Variants in TTC12 observed in about 807,000 individuals in gnomAD.
The protein encoded by TTC12 is tetratricopeptide repeat domain 12, also known as tetratricopeptide repeat protein 12.
A neutral mutation model predicts 90.1 loss-of-function variants in TTC12; 70 were observed. That is an observed-to-expected ratio of 0.78 (90% CI 0.64 to 0.95). The LOEUF (loss-of-function observed/expected upper bound fraction) is 0.95, where lower values mean the gene tolerates loss of function less well. TTC12 is among the 40% of genes least tolerant of loss of function. TTC12 has a pLI of 0.00. For missense variants in TTC12, 819 were observed against 846.1 expected, an observed-to-expected ratio of 0.97 and a Z score of 0.40; for synonymous variants, 296 against 311.5, an observed-to-expected ratio of 0.95 and a Z score of 0.53.
chr11:113,372,169 C>A (rs1313073109), intron 21 of TTC12, among the ~76,000 whole-genome samples: 2 of 152,144 alleles, frequency 1.3e-5, no homozygotes, highest in East Asian at 1.9e-4. Flanking sequence ...AGGGCAGGCA[C>A]AGGAAGAGCA....
At chr11:113,321,012 A>T (rs1220101055) in intron 2 of TTC12, among the ~76,000 whole-genome samples, 1 of 149,378 alleles carries the variant, frequency 6.7e-6, no homozygotes, top group African/African-American at 2.5e-5. Flanking sequence ...ACCATCTCTT[A>T]AAAAAAAAAG....
rs1947641882 is a variant in TTC12 at position 113,325,648 on chromosome 11, C to T, written c.444+3C>T. On this transcript the variant is annotated splice_donor_region_variant and intron_variant, in intron 6 of 21. Transcript: ENST00000529221. ...TGCTGTACACCAACCGAGCCCAGGT[C>T]AGTGAGGCAGGGATGTATCCATGGG... 1 of 1,613,556 alleles carries T rather than the reference C, an allele frequency of 6.2e-7. No homozygotes were observed.
At chr11:113,361,948 T>G (rs1949954721) in intron 18 of TTC12, among the ~76,000 whole-genome samples, 1 of 133,324 alleles carries the variant, frequency 7.5e-6, no homozygotes, top group Non-Finnish European at 1.7e-5. Flanking sequence ...CAGCTTGGCA[T>G]TTATTTAAAA....
Position 113,323,461 on chromosome 11 carries a change from T to G in TTC12, c.222+10T>G. ...ACAAACTGCTATGAAGGTTTCTTTT[T>G]CTATTGAGAAGTTATATAAGTACTT... is the stretch of plus-strand genomic sequence containing the variant. On this transcript the variant is annotated intron_variant, in intron 3 of 21. Coordinates refer to ENST00000529221, the MANE Select transcript of TTC12 (RefSeq NM_017868.4). The G allele has an allele frequency of 6.4e-7, 1 of 1,555,726 alleles. No homozygotes were observed. Among genetic ancestry groups the G allele is most frequent in the East Asian group, 2.3e-5 (1 of 43,534 alleles).
At chr11:113,314,776 G>C (rs1269773264) in intron 1 of TTC12, 158 bp downstream of exon 1, 2 of 141,668 alleles carry the variant, frequency 1.4e-5, no homozygotes, top group Admixed American at 1.4e-4. Context: ...GAGGGCCCGG[G>C]ACTTGCGGAC....
At chr11:113,333,388 C>A (rs1257983197) in intron 7 of TTC12, among the ~76,000 whole-genome samples, 3 of 152,180 alleles carry the variant, frequency 2.0e-5, no homozygotes, top group African/African-American at 7.2e-5. Context: ...CTTTTAAAGA[C>A]TGCATTTTAG....
intron 7 of TTC12, among the ~76,000 whole-genome samples, chr11:113,334,620 G>T (rs984667886): frequency 6.6e-6 from 1 of 151,514 alleles, no homozygotes; most frequent in Non-Finnish European, 1.5e-5. Flanking sequence ...TTGACATGGG[G>T]TGCAGGGCCG....
chr11:113,325,777 G>A (rs780667827), intron 6 of TTC12, 132 bp downstream of exon 6: 1 of 1,212,664 alleles, frequency 8.2e-7, no homozygotes, highest in South Asian at 1.5e-5. Context: ...TTAAGTGTGG[G>A]AGGAGCTGAC....
At position 113,316,305 on chromosome 11, in the gene TTC12, G is replaced by A; in HGVS notation, c.48G>A (p.Val16=). ...ATTTGCAGAAATTTCTTAAAAATGT[G>A]GATGAAATCTGTAAGTACTAGTAAA... ...EKDLQKFLKN[V]DEISNLIQEM... is the part of the protein sequence containing the mutation. Residue 16 remains valine (V), a synonymous_variant, in exon 2 of 22, where the codon GTG becomes GTA. Transcript: ENST00000529221. The A allele has an allele frequency of 6.9e-7, 1 of 1,455,102 alleles. No individual in the cohort carries two copies. Among genetic ancestry groups the A allele is most frequent in the Non-Finnish European group, 9.1e-7 (1 of 1,095,380 alleles). 90.1% of individuals were successfully genotyped at this position (1,455,102 alleles called of 1,614,324 possible).
At chr11:113,369,253 T>G (rs1166827996), downstream of TTC12, 1 of 152,242 alleles carries the variant, frequency 6.6e-6, no homozygotes. Flanking sequence ...CAGCTTCCCA[T>G]AGCTGGGATT....
intron 12 of TTC12, among the ~76,000 whole-genome samples, chr11:113,342,152 C>G (rs182058174): frequency 6.6e-6 from 1 of 152,340 alleles, no homozygotes. Flanking sequence ...GTGGTCTCCT[C>G]TCTCCTCTCC....
intron 21 of TTC12, among the ~76,000 whole-genome samples, chr11:113,365,276 G>A (rs77254924): frequency 0.01 from 1,577 of 152,254 alleles, 36 homozygotes; most frequent in African/African-American, 0.035. Flanking sequence ...AGAGGGAATC[G>A]GCTTGTCTGA....
At chr11:113,326,009 C>T (rs1947671188) in intron 6 of TTC12, among the ~76,000 whole-genome samples, 1 of 152,036 alleles carries the variant, frequency 6.6e-6, no homozygotes, top group Admixed American at 6.5e-5. Context: ...ATTCTGCTAC[C>T]AACATATTTC....
At chr11:113,319,365 G>T (rs1947149271) in intron 2 of TTC12, among the ~76,000 whole-genome samples, 1 of 152,160 alleles carries the variant, frequency 6.6e-6, no homozygotes, top group South Asian at 2.1e-4. Context: ...ATGTCGTGTA[G>T]TGTTCTGGAT....
At chr11:113,342,003 C>T in intron 12 of TTC12, 78 bp downstream of exon 12, 1 of 1,261,592 alleles carries the variant, frequency 7.9e-7, no homozygotes. Flanking sequence ...ACTGTCCTCC[C>T]CAAAGGCCAG....
In TTC12 at chr11:113,339,273, C is replaced by G. The variant is rs1301965820; in HGVS notation, c.638-13C>G. ...TTAGGGTTTTGTTTTGCTTTCCTTT[C>G]TTGTTTTTCTAGGTTACCTGAATCA... is the stretch of plus-strand genomic sequence containing the variant. On this transcript the variant is annotated splice_polypyrimidine_tract_variant and intron_variant, in intron 9 of 21. Transcript: ENST00000529221. 1.3e-6 allele frequency: 2 copies of G among 1,584,384 alleles called. No individual in the cohort carries two copies. Among genetic ancestry groups the G allele is most frequent in the African/African-American group, 2.7e-5 (2 of 72,766 alleles).
At chr11:113,359,849 A>G in intron 17 of TTC12, 91 bp from the exon 18 acceptor site, 3 of 1,007,984 alleles carry the variant, frequency 3.0e-6, no homozygotes, top group Non-Finnish European at 4.5e-6. Flanking sequence ...TGGTGGTGCT[A>G]AAAAGGAGAC....
At chr11:113,344,951 T>C (rs782580989) in intron 13 of TTC12, among the ~76,000 whole-genome samples, 6 of 152,242 alleles carry the variant, frequency 3.9e-5, no homozygotes, top group Non-Finnish European at 8.8e-5. Flanking sequence ...GTACCCTAAG[T>C]AGACTTTCTA....
rs1555150080 is a variant in TTC12, at chr11:113,351,270, G to A, written c.1279G>A (p.Gly427Ser). The change falls in exon 15 of 22, where the codon GGT (glycine) becomes AGT (serine). Residue 427 changes from glycine (G) to serine (S), a missense_variant. Physicochemically the swap from Gly to Ser is moderately conservative, Grantham distance 56. Transcript: ENST00000529221. Reference sequence around the variant, plus strand: ...AGTCTGGTTCCAGGCCAACCTTCCAGGTGTTCTCCCTGCACTCACAGGCGT... The same window carrying A: ...AGTCTGGTTCCAGGCCAACCTTCCAAGTGTTCTCCCTGCACTCACAGGCGT... Reference protein sequence around the residue: ...FQVWFQANLPGVLPALTGVLK... With the variant: ...FQVWFQANLPSVLPALTGVLK... 1.2e-6 allele frequency: 2 copies of A among 1,614,142 alleles called. No homozygotes were observed. The highest frequency in any genetic ancestry group is 1.7e-6 in the Non-Finnish European group (2 of 1,180,008).
Sources: gnomAD v4.1 joint callset for allele counts (sites outside exome capture counted in the v4.1 genomes callset) on GRCh38, gnomAD v4.1.1 for gene constraint, MANE v1.5 for transcripts, NCBI Gene and HGNC (gene_info 2026-07-23, HGNC 2026-07-21) for gene names.